Variants in LAMA1 observed in about 807,000 individuals in gnomAD.
The protein encoded by LAMA1 is laminin subunit alpha-1.
In LAMA1, 219 loss-of-function variants were observed where a neutral mutation model predicts 348.7. The ratio of observed to expected loss-of-function variants is 0.63; its 90% CI spans 0.56 to 0.70. The LOEUF (loss-of-function observed/expected upper bound fraction) is 0.70, where lower values mean the gene tolerates loss of function less well. Among genes scored for constraint, LAMA1 ranks in the 30% least tolerant of loss-of-function variants. The pLI is 0.00. For missense variants in LAMA1, 3,744 were observed against 3,888.0 expected, an observed-to-expected ratio of 0.96 and a Z score of 0.99; for synonymous variants, 1,487 against 1,491.0, an observed-to-expected ratio of 1.00 and a Z score of 0.06.
At position 7,002,366 on chromosome 18, in the gene LAMA1, G is replaced by T. The variant is rs773358140; in HGVS notation, c.4280C>A (p.Ala1427Glu). The change falls in exon 30 of 63, where the codon GCA (alanine) becomes GAA (glutamate). Residue 1427 changes from alanine to glutamate, a missense_variant. Around this residue, in one of 3 missense-constraint regions of LAMA1, gnomAD observed 1,983 missense variants for 1,934.3 expected, o/e 1.03. Coordinates refer to ENST00000389658, the MANE Select transcript of LAMA1 (RefSeq NM_005559.4). ...GKCLNCGDNTAGDHCDVCTSG... is the reference protein window; with the variant it reads ...GKCLNCGDNTEGDHCDVCTSG... ...AGTACACACATCACAATGGTCACCT[G>T]CTGTGTTATCGCCACAGTTCTGGGA... 5 of 1,613,564 alleles carry T rather than the reference G, an allele frequency of 3.1e-6. No homozygotes were observed. The Admixed American group carries it at 5.0e-5, about 16-fold the overall frequency.
At chr18:7,084,635 T>A (rs560547246) in intron 1 of LAMA1, among the ~76,000 whole-genome samples, 3 of 152,290 alleles carry the variant, frequency 2.0e-5, no homozygotes, top group African/African-American at 7.2e-5. Context: ...ATGAAATAAA[T>A]TCCTTCTCAC....
intron 1 of LAMA1, among the ~76,000 whole-genome samples, chr18:7,085,651 T>C (rs9951707): frequency 0.033 from 4,969 of 152,014 alleles, 251 homozygotes; most frequent in East Asian, 0.27. Flanking sequence ...ATCTCCTGAC[T>C]TCCTGATCCG....
Position 7,032,107 on chromosome 18 carries a change from G to A in LAMA1, c.2233C>T (p.His745Tyr). ...ACATTACACTCAGCTGCATGGCCGTGGCATTCACAGGGTTGACAAATTCCT... is the reference window on the plus strand; with the variant it reads ...ACATTACACTCAGCTGCATGGCCGTAGCATTCACAGGGTTGACAAATTCCT... ...FGGICQPCECHGHAAECNVHG... is the reference protein window; with the variant it reads ...FGGICQPCECYGHAAECNVHG... Residue 745 changes from histidine to tyrosine, a missense_variant, in exon 16 of 63, where the codon CAC becomes TAC. His to Tyr is a moderately conservative substitution (Grantham distance 83). Around this residue, in one of 3 missense-constraint regions of LAMA1, gnomAD observed 1,529 missense variants for 1,689.4 expected, o/e 0.91. Coordinates refer to ENST00000389658, the MANE Select transcript of LAMA1 (RefSeq NM_005559.4). 1 of 1,614,146 alleles carries A rather than the reference G, an allele frequency of 6.2e-7. No homozygotes were observed. The highest frequency in any genetic ancestry group is 8.5e-7 in the Non-Finnish European group (1 of 1,180,030).
intron 57 of LAMA1, chr18:6,955,052 A>G: frequency 2.4e-6 from 1 of 421,516 alleles, no homozygotes. Context: ...AAGTCCAGAC[A>G]ATAATAGATC....
chr18:7,104,421 A>G (rs1175041922), intron 1 of LAMA1, among the ~76,000 whole-genome samples: 1 of 152,230 alleles, frequency 6.6e-6, no homozygotes, highest in African/African-American at 2.4e-5. Flanking sequence ...AAGGAGAGAC[A>G]GGCAAGTCAA....
rs2057972865 is a variant in LAMA1, at chr18:7,032,156, G to A, written c.2184C>T (p.Tyr728=). The A allele has an allele frequency of 5.6e-6, 9 of 1,613,838 alleles. No homozygotes were observed. Among genetic ancestry groups the A allele is most frequent in the East Asian group, 2.2e-5 (1 of 44,882 alleles). Reference sequence around the variant, plus strand: ...CTCCAAAGAGTATTCCATCCACGCGGTAATAGCCAGAGAGGCACGACTGCA... The same window carrying A: ...CTCCAAAGAGTATTCCATCCACGCGATAATAGCCAGAGAGGCACGACTGCA... The part of the protein sequence containing the change: ...TSCESCLSGY[Y]RVDGILFGGI... The change falls in exon 16 of 63, where the codon TAC becomes TAT. Residue 728 remains tyrosine, a synonymous_variant. Coordinates refer to ENST00000389658, the MANE Select transcript of LAMA1 (RefSeq NM_005559.4).
Position 6,966,395 on chromosome 18 carries a change from A to C in LAMA1, c.6900-98T>G. ...TTCTCCTTCACAAAGATCACTGTAGAGCTATTAGTTCCATACTTTCATAAC... is the reference window on the plus strand; with the variant it reads ...TTCTCCTTCACAAAGATCACTGTAGCGCTATTAGTTCCATACTTTCATAAC... On this transcript the variant is annotated intron_variant, in intron 48 of 62. Transcript: ENST00000389658. The C allele has an allele frequency of 3.0e-6, 3 of 996,022 alleles. No individual in the cohort carries two copies. The South Asian group carries it at 4.1e-5, about 14-fold the overall frequency. 61.7% of individuals were successfully genotyped at this position (996,022 alleles called of 1,614,324 possible).
chr18:7,053,313 G>C (rs1044409094), intron 3 of LAMA1, among the ~76,000 whole-genome samples: 1 of 152,134 alleles, frequency 6.6e-6, no homozygotes, highest in Non-Finnish European at 1.5e-5. Flanking sequence ...AACACCAAGA[G>C]GGAACCCTCA....
intron 19 of LAMA1, among the ~76,000 whole-genome samples, chr18:7,018,589 G>A (rs1335069059): frequency 6.6e-6 from 1 of 151,708 alleles, no homozygotes; most frequent in South Asian, 2.1e-4. Context: ...TAGAGACAGG[G>A]TTTCACCGTG....
At chr18:7,031,120 T>C (rs1000510866) in intron 16 of LAMA1, among the ~76,000 whole-genome samples, 1 of 152,124 alleles carries the variant, frequency 6.6e-6, no homozygotes. Context: ...CATTCTAAGA[T>C]CTTCTCCCTG....
chr18:7,070,548 T>G (rs1364483810), intron 3 of LAMA1, among the ~76,000 whole-genome samples: 1 of 152,118 alleles, frequency 6.6e-6, no homozygotes, highest in Non-Finnish European at 1.5e-5. Context: ...TTTCAGAAAT[T>G]TGGGGGAAAA....
chr18:7,038,150 C>T (rs1468644737), intron 11 of LAMA1, among the ~76,000 whole-genome samples: 1 of 152,148 alleles, frequency 6.6e-6, no homozygotes, highest in African/African-American at 2.4e-5. Flanking sequence ...ACAAAGATAA[C>T]CTCTAGATCT....
intron 1 of LAMA1, among the ~76,000 whole-genome samples, chr18:7,099,049 T>C (rs1484085642): frequency 4.6e-5 from 7 of 152,052 alleles, no homozygotes; most frequent in Non-Finnish European, 1.0e-4. Flanking sequence ...GGGAAAAGAT[T>C]GAGAAATCGG....
intron 51 of LAMA1, among the ~76,000 whole-genome samples, chr18:6,963,643 C>T (rs1188239173): frequency 6.6e-6 from 1 of 152,176 alleles, no homozygotes; most frequent in East Asian, 1.9e-4. Context: ...TAGAGCACTG[C>T]TACAAATGGA....
chr18:7,115,649 T>A, intron 1 of LAMA1, among the ~76,000 whole-genome samples: 1 of 149,818 alleles, frequency 6.7e-6, no homozygotes, highest in Non-Finnish European at 1.5e-5. Context: ...ATGCTATTCA[T>A]GGGGCACAAA....
intron 61 of LAMA1, among the ~76,000 whole-genome samples, chr18:6,944,480 C>T (rs1255320116): frequency 6.6e-6 from 1 of 152,120 alleles, no homozygotes; most frequent in African/African-American, 2.4e-5. Context: ...GAAGTCCTAA[C>T]CCCCAGTACC....
rs976774849 is a variant in LAMA1 at position 7,117,747 on chromosome 18, C to A, written c.-27G>T. ...TCGCCTCCGCCGCCACTCGGTGGGT[C>A]TGGGGAGAAAGCCGCGCGCCCGCCT... On this transcript the variant is annotated 5_prime_UTR_variant, in exon 1 of 63. Transcript: ENST00000389658. 6.3e-7 allele frequency: 1 copy of A among 1,590,696 alleles called. No homozygotes were observed.
chr18:7,101,775 C>T (rs1183098528), intron 1 of LAMA1, among the ~76,000 whole-genome samples: 1 of 152,056 alleles, frequency 6.6e-6, no homozygotes, highest in African/African-American at 2.4e-5. Context: ...TCAAGTGATC[C>T]TCCTGCTTCA....
intron 19 of LAMA1, among the ~76,000 whole-genome samples, chr18:7,019,279 C>T (rs556655334): frequency 5.9e-5 from 9 of 152,192 alleles, no homozygotes; most frequent in South Asian, 2.1e-4. Context: ...GAAGGGACCC[C>T]GTGACCTCCC....
Sources: allele counts gnomAD v4.1 joint callset (sites outside exome capture counted in the v4.1 genomes callset), GRCh38; gene constraint gnomAD v4.1.1; regional missense constraint gnomAD v4.1.1; transcripts MANE v1.5; gene names NCBI Gene and HGNC (gene_info 2026-07-23, HGNC 2026-07-21).